EVI5: variants seen among roughly 807,000 people sequenced by gnomAD.
EVI5 encodes ecotropic viral integration site 5 protein homolog.
EVI5 carries 73 observed loss-of-function variants against 112.0 expected under a neutral mutation model. That is an observed-to-expected ratio of 0.65 (90% CI 0.54 to 0.79). The LOEUF is 0.79. Among genes scored for constraint, EVI5 ranks in the 30% least tolerant of loss-of-function variants. The pLI is 0.00. For missense variants in EVI5, 900 were observed against 968.8 expected, an observed-to-expected ratio of 0.93 and a Z score of 0.94; for synonymous variants, 305 against 319.9, an observed-to-expected ratio of 0.95 and a Z score of 0.50.
chr1:92,693,082 C>T (rs1304543592), intron 9 of EVI5, among the ~76,000 whole-genome samples: 2 of 152,120 alleles, frequency 1.3e-5, no homozygotes, highest in African/African-American at 2.4e-5. Context: ...CCAGGTGCAG[C>T]GGCTCACACC....
chr1:92,687,657 T>C (rs1298462176), intron 9 of EVI5, among the ~76,000 whole-genome samples: 1 of 152,198 alleles, frequency 6.6e-6, no homozygotes, highest in African/African-American at 2.4e-5. Context: ...AAAGGGCTAA[T>C]ATCCAGCATC....
intron 13 of EVI5, among the ~76,000 whole-genome samples, chr1:92,650,455 T>C (rs1038080702): frequency 1.9e-5 from 1 of 52,674 alleles, no homozygotes; most frequent in African/African-American, 7.0e-5. Flanking sequence ...TGGAAGCTAC[T>C]GTGAATGGAC....
At chr1:92,575,813 T>C (rs1402961591) in intron 18 of EVI5, among the ~76,000 whole-genome samples, 1 of 151,976 alleles carries the variant, frequency 6.6e-6, no homozygotes, top group Non-Finnish European at 1.5e-5. Context: ...ATCCACTCAC[T>C]TCAGCCTCCC....
intron 13 of EVI5, among the ~76,000 whole-genome samples, chr1:92,655,218 T>A (rs1455200083): frequency 6.6e-6 from 1 of 150,798 alleles, no homozygotes; most frequent in Non-Finnish European, 1.5e-5. Flanking sequence ...AATCCTAAAA[T>A]CAGCAAGAGA....
intron 13 of EVI5, among the ~76,000 whole-genome samples, chr1:92,636,663 C>G (rs1407606623): frequency 6.6e-6 from 1 of 151,876 alleles, no homozygotes; most frequent in Non-Finnish European, 1.5e-5. Flanking sequence ...ACTTTACAGA[C>G]CTACACTGCA....
intron 16 of EVI5, among the ~76,000 whole-genome samples, chr1:92,623,439 A>G (rs967809714): frequency 2.0e-5 from 3 of 152,250 alleles, no homozygotes; most frequent in African/African-American, 7.2e-5. Flanking sequence ...TTCACAGAGT[A>G]TAAGAATATG....
At chr1:92,671,309 CT>C (rs1665845270) in intron 10 of EVI5, among the ~76,000 whole-genome samples, 1 of 152,126 alleles carries the variant, frequency 6.6e-6, no homozygotes, top group African/African-American at 2.4e-5. Flanking sequence ...CTCACTGTCT[CT>C]TGGCTTCTGG....
At chr1:92,595,332 G>A (rs561179715) in intron 18 of EVI5, among the ~76,000 whole-genome samples, 2,205 of 151,258 alleles carry the variant, frequency 0.015, 27 homozygotes, top group Non-Finnish European at 0.02. Flanking sequence ...AACAAACACC[G>A]CATGTTCTCA....
chr1:92,766,241 G>A (rs1682626228), intron 1 of EVI5, among the ~76,000 whole-genome samples: 1 of 151,628 alleles, frequency 6.6e-6, no homozygotes, highest in South Asian at 2.1e-4. Context: ...CAAGTGAGGA[G>A]CTAAGCCTAT....
At chr1:92,544,425 A>G (rs1156645852) in intron 19 of EVI5, among the ~76,000 whole-genome samples, 1 of 152,176 alleles carries the variant, frequency 6.6e-6, no homozygotes, top group Admixed American at 6.6e-5. Flanking sequence ...GAAAATAAGT[A>G]ATTTTCTAAT....
chr1:92,782,519 C>G (rs927178293), intron 1 of EVI5, among the ~76,000 whole-genome samples: 1 of 152,114 alleles, frequency 6.6e-6, no homozygotes, highest in Non-Finnish European at 1.5e-5. Context: ...AGATACTCAA[C>G]CTCAGTACCA....
intron 16 of EVI5, among the ~76,000 whole-genome samples, chr1:92,619,891 G>A (rs558137048): frequency 2.6e-5 from 4 of 152,080 alleles, no homozygotes; most frequent in Non-Finnish European, 4.4e-5. Flanking sequence ...ATAATTTGTC[G>A]GTAAAAATGT....
At chr1:92,713,672 G>A (rs1218866792) in intron 2 of EVI5, among the ~76,000 whole-genome samples, 2 of 152,026 alleles carry the variant, frequency 1.3e-5, no homozygotes, top group Admixed American at 6.6e-5. Flanking sequence ...AGCTACTTGG[G>A]AGGCTGGGGT....
intron 16 of EVI5, among the ~76,000 whole-genome samples, chr1:92,610,044 C>T (rs994420967): frequency 3.3e-5 from 5 of 152,098 alleles, no homozygotes; most frequent in African/African-American, 9.7e-5. Flanking sequence ...TGCCACTACG[C>T]CCAGATAATT....
At chr1:92,571,529 C>G (rs944242797) in intron 18 of EVI5, among the ~76,000 whole-genome samples, 3 of 152,074 alleles carry the variant, frequency 2.0e-5, no homozygotes, top group Non-Finnish European at 4.4e-5. Flanking sequence ...ATTTTATGCT[C>G]TCATTTAAAC....
intron 13 of EVI5, among the ~76,000 whole-genome samples, chr1:92,659,203 T>C (rs1663548906): frequency 6.6e-6 from 1 of 152,092 alleles, no homozygotes; most frequent in Non-Finnish European, 1.5e-5. Flanking sequence ...AAAGAATTCA[T>C]GACTAAGACC....
chr1:92,762,215 A>G (rs1346767160), intron 1 of EVI5, among the ~76,000 whole-genome samples: 2 of 152,260 alleles, frequency 1.3e-5, no homozygotes, highest in Non-Finnish European at 2.9e-5. Flanking sequence ...ATCTGTAGGC[A>G]TATAACATAT....
At position 92,703,548 on chromosome 1, in the gene EVI5, A is replaced by T; in HGVS notation, c.411T>A (p.Ser137Arg). 1 of 1,599,606 alleles carries T rather than the reference A, an allele frequency of 6.3e-7. No homozygotes were observed. Among genetic ancestry groups the T allele is most frequent in the Non-Finnish European group, 8.5e-7 (1 of 1,176,496 alleles). Residue 137 changes from serine (S) to arginine (R), a missense_variant, in exon 4 of 20, where the codon AGT becomes AGA. Ser to Arg is a moderately radical substitution (Grantham distance 110). Transcript: ENST00000684568. Reference sequence around the variant, plus strand: ...CTGAATACTGATCCTTAATTGGCATACTTTGTGCACTGCATAAAAGTTGCC... The same window carrying T: ...CTGAATACTGATCCTTAATTGGCATTCTTTGTGCACTGCATAAAAGTTGCC... ...IVWQLLCSAQ[S>R]MPIKDQYSEL...
chr1:92,653,032 G>A (rs775831260), intron 13 of EVI5, among the ~76,000 whole-genome samples: 5 of 152,154 alleles, frequency 3.3e-5, no homozygotes, highest in Non-Finnish European at 5.9e-5. Context: ...ACACTGGTGT[G>A]GGCAGTGATT....
Sources: gnomAD v4.1 joint callset for allele counts (sites outside exome capture counted in the v4.1 genomes callset) on GRCh38, gnomAD v4.1.1 for gene constraint, MANE v1.5 for transcripts, NCBI Gene and HGNC (gene_info 2026-07-23, HGNC 2026-07-21) for gene names.